Variants in AGBL1 observed in about 807,000 individuals in gnomAD.
AGBL1 encodes AGBL carboxypeptidase 1, also known as cytosolic carboxypeptidase 4.
AGBL1 carries 130 observed loss-of-function variants against 118.9 expected under a neutral mutation model. That is an observed-to-expected ratio of 1.09 (90% CI 0.95 to 1.26). AGBL1 has a LOEUF of 1.26. Ranked by LOEUF, AGBL1 falls within the 50% of genes most tolerant of loss-of-function variation. The probability of loss-of-function intolerance (pLI) is 0.00; values close to 1 mark genes in which losing one functional copy is unlikely to be tolerated. For synonymous variants in AGBL1, 555 were observed against 478.9 expected (o/e 1.16, Z -2.08); for missense variants, 1,584 against 1,298.1 (o/e 1.22, Z -3.38).
intron 17 of AGBL1, among the ~76,000 whole-genome samples, chr15:86,390,287 A>G (rs1414678013): frequency 1.3e-5 from 2 of 152,224 alleles, no homozygotes; most frequent in Non-Finnish European, 2.9e-5. Flanking sequence ...CAAATTCACA[A>G]TCATCTTTGG....
chr15:86,898,995 C>CTT (rs2080172545), intron 22 of AGBL1, among the ~76,000 whole-genome samples: 1 of 152,096 alleles, frequency 6.6e-6, no homozygotes, highest in South Asian at 2.1e-4. Context: ...CCTCAAAGAG[C>CTT]TAAAAGCAGA....
At chr15:86,186,505 G>C (rs2077635632) in intron 5 of AGBL1, among the ~76,000 whole-genome samples, 1 of 152,176 alleles carries the variant, frequency 6.6e-6, no homozygotes, top group Non-Finnish European at 1.5e-5. Flanking sequence ...TTGTGCTATG[G>C]ATGCTCCAGG....
downstream of AGBL1, among the ~76,000 whole-genome samples, chr15:86,916,504 C>T (rs1398465407): frequency 1.3e-5 from 2 of 152,118 alleles, no homozygotes; most frequent in Non-Finnish European, 2.9e-5. Context: ...ATCAGGCACT[C>T]TGGTCTTCAC....
At chr15:86,946,935 C>T (rs76333462) in intron 23 of AGBL1, among the ~76,000 whole-genome samples, 288 of 151,764 alleles carry the variant, frequency 1.9e-3, no homozygotes, top group Middle Eastern at 0.01. Flanking sequence ...CATCCCTTCG[C>T]ATGTCCCCTG....
intron 22 of AGBL1, among the ~76,000 whole-genome samples, chr15:86,691,469 G>A (rs1262561766): frequency 2.6e-5 from 4 of 152,040 alleles, no homozygotes; most frequent in African/African-American, 9.7e-5. Context: ...GCCAATTACT[G>A]GGAGGGGAAA....
At chr15:86,736,319 G>A (rs1304095284) in intron 22 of AGBL1, among the ~76,000 whole-genome samples, 1 of 151,970 alleles carries the variant, frequency 6.6e-6, no homozygotes, top group Non-Finnish European at 1.5e-5. Flanking sequence ...GGCGGAGGTT[G>A]CAGTGAGCTG....
intron 21 of AGBL1, among the ~76,000 whole-genome samples, chr15:86,662,187 A>G (rs929675198): frequency 7.2e-5 from 11 of 152,252 alleles, no homozygotes; most frequent in African/African-American, 2.4e-4. Flanking sequence ...GTAAATGTGC[A>G]TACACACACA....
At chr15:86,216,815 C>T (rs976718363) in intron 5 of AGBL1, among the ~76,000 whole-genome samples, 1 of 152,140 alleles carries the variant, frequency 6.6e-6, no homozygotes, top group Non-Finnish European at 1.5e-5. Flanking sequence ...GAAGCCAAAG[C>T]CCTTATAGTA....
intron 18 of AGBL1, among the ~76,000 whole-genome samples, chr15:86,482,853 T>C (rs562943004): frequency 6.6e-6 from 1 of 152,154 alleles, no homozygotes; most frequent in East Asian, 1.9e-4. Context: ...AAGCAAAGTA[T>C]GTCTCATTAT....
At chr15:86,663,066 G>A (rs945554696) in intron 21 of AGBL1, among the ~76,000 whole-genome samples, 3 of 152,106 alleles carry the variant, frequency 2.0e-5, no homozygotes, top group Non-Finnish European at 4.4e-5. Context: ...TTTCACTGGC[G>A]TGACTATACC....
At chr15:86,754,647 G>C (rs574600391) in intron 22 of AGBL1, among the ~76,000 whole-genome samples, 52 of 152,148 alleles carry the variant, frequency 3.4e-4, no homozygotes, top group African/African-American at 1.3e-3. Flanking sequence ...TGTCCTGAAA[G>C]CATCAGCCTG....
intron 18 of AGBL1, among the ~76,000 whole-genome samples, chr15:86,461,200 T>C (rs1014243467): frequency 6.6e-6 from 1 of 152,010 alleles, no homozygotes; most frequent in Non-Finnish European, 1.5e-5. Context: ...GCCCCATCGG[T>C]GGTAGGGTGT....
chr15:86,328,248 G>A (rs1320827536), intron 17 of AGBL1, among the ~76,000 whole-genome samples: 1 of 151,960 alleles, frequency 6.6e-6, no homozygotes, highest in Admixed American at 6.6e-5. Flanking sequence ...AAAAACTACA[G>A]GATCAAAATA....
At chr15:86,735,717 T>C (rs950105376) in intron 22 of AGBL1, among the ~76,000 whole-genome samples, 1 of 151,600 alleles carries the variant, frequency 6.6e-6, no homozygotes, top group African/African-American at 2.4e-5. Flanking sequence ...AAATATCTTA[T>C]TTTGTCAAAT....
intron 22 of AGBL1, among the ~76,000 whole-genome samples, chr15:86,798,433 T>A (rs1485197549): frequency 6.6e-6 from 1 of 152,068 alleles, no homozygotes; most frequent in Non-Finnish European, 1.5e-5. Flanking sequence ...TAAAAGAATC[T>A]CTTTATGTTA....
chr15:86,397,372 G>C lies in AGBL1; in HGVS notation c.2381G>C (p.Arg794Pro). 1 of 1,577,540 alleles carries C rather than the reference G, an allele frequency of 6.3e-7. No homozygotes were observed. Among genetic ancestry groups the C allele is most frequent in the African/African-American group, 1.3e-5 (1 of 74,412 alleles). Reference protein sequence around the residue: ...SDEHLEQFRHRPYQVITARVH... With the variant: ...SDEHLEQFRHPPYQVITARVH... Reference sequence around the variant, plus strand: ...TATGTCCCTTTTTCTGCAGGACATCGTCCATATCAGGTGATCACTGCTCGA... The same window carrying C: ...TATGTCCCTTTTTCTGCAGGACATCCTCCATATCAGGTGATCACTGCTCGA... The change falls in exon 18 of 23, where the codon CGT becomes CCT. Residue 794 changes from arginine to proline, a missense_variant. By Grantham distance (103) the Arg-to-Pro change is moderately radical (BLOSUM62 -2). Transcript: ENST00000614907.
chr15:86,276,903 T>G (rs376184937), intron 15 of AGBL1, among the ~76,000 whole-genome samples: 22 of 152,256 alleles, frequency 1.4e-4, no homozygotes, highest in African/African-American at 5.1e-4. Context: ...GTGTTTCACT[T>G]TAGAGATTTA....
At chr15:86,520,190 A>G (rs1181656684) in intron 18 of AGBL1, among the ~76,000 whole-genome samples, 2 of 152,226 alleles carry the variant, frequency 1.3e-5, no homozygotes, top group African/African-American at 4.8e-5. Flanking sequence ...TGCATCCTTG[A>G]GCATTTTAGA....
At chr15:87,023,882 A>G (rs2081695746) in intron 24 of AGBL1, among the ~76,000 whole-genome samples, 1 of 152,196 alleles carries the variant, frequency 6.6e-6, no homozygotes, top group South Asian at 2.1e-4. Flanking sequence ...CTTCTGAATG[A>G]TCATTGGGTC....
Sources: allele counts gnomAD v4.1 joint callset (sites outside exome capture counted in the v4.1 genomes callset), GRCh38; gene constraint gnomAD v4.1.1; transcripts MANE v1.5; gene names NCBI Gene and HGNC (gene_info 2026-07-23, HGNC 2026-07-21).